The following CTH variants were observed in gnomAD, a reference collection of about 807,000 sequenced individuals.
CTH encodes cystathionase (cystathionine gamma-lyase).
A neutral mutation model predicts 50.6 loss-of-function variants in CTH; 41 were observed. The observed-to-expected ratio is 0.81, with a 90% confidence interval of 0.63 to 1.05. The LOEUF (loss-of-function observed/expected upper bound fraction) is 1.05. Ranked by LOEUF, CTH falls within the 50% of genes least tolerant of loss-of-function variation. The pLI is 0.00. For synonymous variants in CTH, 156 were observed against 168.9 expected (o/e 0.92, Z 0.59); for missense variants, 470 against 492.6 (o/e 0.95, Z 0.43).
rs759745759 is a variant in CTH, at chr1:70,439,159, T to C, written c.*32T>C. ...AGAGCTGCTATTAGAAGCTGCTTCC[T>C]GTGAAGATCAAATCTTCCTGAGTAA... On this transcript the variant is annotated 3_prime_UTR_variant, in exon 12 of 12. Transcript: ENST00000370938. The C allele has an allele frequency of 1.3e-6, 2 of 1,598,472 alleles. No homozygotes were observed. Among genetic ancestry groups the C allele is most frequent in the Admixed American group, 1.7e-5 (1 of 59,988 alleles).
At chr1:70,422,968 C>A (rs1684260080) in intron 4 of CTH, among the ~76,000 whole-genome samples, 2 of 152,102 alleles carry the variant, frequency 1.3e-5, no homozygotes, top group Non-Finnish European at 2.9e-5. Context: ...GTCTTGTCAA[C>A]AGAATTTTAT....
chr1:70,427,402 A>G (rs1448393454), intron 5 of CTH, among the ~76,000 whole-genome samples: 2 of 152,190 alleles, frequency 1.3e-5, no homozygotes, highest in Non-Finnish European at 2.9e-5. Context: ...TATTTTGTAC[A>G]CTGCTTCCCT....
At chr1:70,431,658 C>T (rs1049951566) in intron 7 of CTH, among the ~76,000 whole-genome samples, 9 of 152,062 alleles carry the variant, frequency 5.9e-5, no homozygotes, top group African/African-American at 9.7e-5. Flanking sequence ...AATCATTGAC[C>T]GCTTTGCACA....
At chr1:70,433,354 G>A (rs1684521964) in intron 8 of CTH, among the ~76,000 whole-genome samples, 1 of 152,116 alleles carries the variant, frequency 6.6e-6, no homozygotes, top group Non-Finnish European at 1.5e-5. Flanking sequence ...CATGAAGAAT[G>A]GGCAGCATTG....
At chr1:70,411,605 C>T (rs769111889) in intron 1 of CTH, 22 bp downstream of exon 1, 2 of 1,610,174 alleles carry the variant, frequency 1.2e-6, no homozygotes, top group Admixed American at 1.7e-5. Context: ...CTGTCTGGGG[C>T]TGTCCACAGT....
Position 70,411,345 on chromosome 1 carries a change from C to T in CTH, c.-71C>T. The T allele has an allele frequency of 6.5e-7, 1 of 1,539,924 alleles. No individual in the cohort carries two copies. Among genetic ancestry groups the T allele is most frequent in the Non-Finnish European group, 9.0e-7 (1 of 1,112,674 alleles). ...CGCCTGATCCTTCTGTCTCTCCCAA[C>T]CCCGGACACCCGGCTTCGACTGGTT... is the stretch of plus-strand genomic sequence containing the variant. On this transcript the variant is annotated 5_prime_UTR_variant, in exon 1 of 12. Coordinates refer to ENST00000370938, the MANE Select transcript of CTH (RefSeq NM_001902.6).
chr1:70,433,909 G>GCA lies in CTH; in HGVS notation c.961_962dup (p.Gln323PhefsTer11). 1 of 1,614,014 alleles carries GCA rather than the reference G, an allele frequency of 6.2e-7. No homozygotes were observed. Among genetic ancestry groups the GCA allele is most frequent in the Non-Finnish European group, 8.5e-7 (1 of 1,179,966 alleles). On this transcript the variant is annotated frameshift_variant, in exon 9 of 12. Coordinates refer to ENST00000370938, the MANE Select transcript of CTH (RefSeq NM_001902.6). LOFTEE classifies it high-confidence loss of function. The stretch of plus-strand genomic sequence containing the variant: ...GGGATGGTCACCTTTTATATTAAGG[G>GCA]CACTCTTCAGCATGCTGAGATTTTC...
At chr1:70,428,765 C>T (rs1216586417) in intron 5 of CTH, among the ~76,000 whole-genome samples, 1 of 151,804 alleles carries the variant, frequency 6.6e-6, no homozygotes, top group Non-Finnish European at 1.5e-5. Context: ...TGCGTGCCAC[C>T]ATGCTCAGCT....
chr1:70,420,075 CT>C (rs1388223561), intron 3 of CTH, among the ~76,000 whole-genome samples: 1 of 151,670 alleles, frequency 6.6e-6, no homozygotes, highest in Non-Finnish European at 1.5e-5. Flanking sequence ...TCACTGCAAC[CT>C]CCGCTTCCCG....
intron 3 of CTH, among the ~76,000 whole-genome samples, chr1:70,419,289 T>G (rs895535292): frequency 6.6e-6 from 1 of 152,130 alleles, no homozygotes. Context: ...AACATACATG[T>G]GCATGTGTCT....
At chr1:70,414,896 T>G (rs2101727457) in intron 1 of CTH, among the ~76,000 whole-genome samples, 1 of 152,260 alleles carries the variant, frequency 6.6e-6, no homozygotes, top group East Asian at 1.9e-4. Flanking sequence ...CTCGGCTCAC[T>G]GCAACCTCCG....
intron 5 of CTH, among the ~76,000 whole-genome samples, chr1:70,429,285 G>A (rs542297966): frequency 3.9e-5 from 6 of 152,194 alleles, no homozygotes; most frequent in African/African-American, 1.2e-4. Flanking sequence ...ACATAGGAAG[G>A]GCTGAGTAAT....
chr1:70,422,609 CTTTTTTTT>C (rs57429096), intron 4 of CTH, among the ~76,000 whole-genome samples: 5 of 127,170 alleles, frequency 3.9e-5, no homozygotes, highest in Admixed American at 2.4e-4. Flanking sequence ...TGGTCTGAGT[CTTTTTTTT>C]TTTTTTTTTT....
rs758347970 is a variant in CTH, at chr1:70,429,784, GT to G, written c.589-8del. On this transcript the variant is annotated splice_polypyrimidine_tract_variant and intron_variant, in intron 5 of 11. Coordinates refer to ENST00000370938, the MANE Select transcript of CTH (RefSeq NM_001902.6). The stretch of plus-strand genomic sequence containing the variant: ...GTTTCTCATTTAAAGTAAAAAACTT[GT>G]TCTTTCAGCGCCCTTTGGCTCTGGG... 2 of 1,607,258 alleles carry G rather than the reference GT, an allele frequency of 1.2e-6. No individual in the cohort carries two copies. Among genetic ancestry groups the G allele is most frequent in the African/African-American group, 1.3e-5 (1 of 74,888 alleles).
intron 7 of CTH, 105 bp from the exon 8 acceptor site, chr1:70,431,978 C>G: frequency 8.5e-7 from 1 of 1,174,986 alleles, no homozygotes; most frequent in South Asian, 1.2e-5. Flanking sequence ...AAACATTGAG[C>G]TTTACACCTA....
At chr1:70,422,067 T>C (rs1015727060) in intron 4 of CTH, among the ~76,000 whole-genome samples, 9 of 152,178 alleles carry the variant, frequency 5.9e-5, no homozygotes, top group African/African-American at 1.9e-4. Flanking sequence ...TTAAAAAAAT[T>C]TCTATGCAGG....
intron 10 of CTH, among the ~76,000 whole-genome samples, chr1:70,438,100 G>A (rs760719867): frequency 1.3e-5 from 2 of 152,136 alleles, no homozygotes; most frequent in Non-Finnish European, 2.9e-5. Flanking sequence ...CTTTACATCT[G>A]TTGATGATGG....
chr1:70,432,112 T>C lies in CTH; in HGVS notation c.754T>C (p.Cys252Arg). The C allele has an allele frequency of 6.2e-7, 1 of 1,614,160 alleles. No individual in the cohort carries two copies. The highest frequency in any genetic ancestry group is 8.5e-7 in the Non-Finnish European group (1 of 1,180,018). ...SLGAVPSPID[C>R]YLCNRGLKTL... ...TGGAGCAGTTCCATCTCCTATTGAT[T>C]GTTACCTCTGCAATCGAGGTCTGAA... The change falls in exon 8 of 12, where the codon TGT becomes CGT. Residue 252 changes from cysteine (C) to arginine (R), a missense_variant. Physicochemically the swap from Cys to Arg is radical, Grantham distance 180. Transcript: ENST00000370938.
intron 3 of CTH, among the ~76,000 whole-genome samples, chr1:70,420,200 C>T (rs1572256608): frequency 6.6e-6 from 1 of 152,208 alleles, no homozygotes; most frequent in Non-Finnish European, 1.5e-5. Flanking sequence ...CCTTGTTGGT[C>T]AGGCTGGTCT....
Sources: allele counts gnomAD v4.1 joint callset (sites outside exome capture counted in the v4.1 genomes callset), GRCh38; gene constraint gnomAD v4.1.1; transcripts MANE v1.5; gene names NCBI Gene and HGNC (gene_info 2026-07-23, HGNC 2026-07-21).